Variants in SIN3A observed in about 807,000 individuals in gnomAD.
SIN3A encodes the protein SIN3 transcription regulator family member A, also known as paired amphipathic helix protein Sin3a.
SIN3A carries 14 observed loss-of-function variants against 146.1 expected under a neutral mutation model. That is an observed-to-expected ratio of 0.10 (90% CI 0.06 to 0.15). The LOEUF is 0.15. Among genes scored for constraint, SIN3A ranks in the 10% least tolerant of loss-of-function variants. The probability of loss-of-function intolerance (pLI) is 1.00; values close to 1 mark genes in which losing one functional copy is unlikely to be tolerated. For synonymous variants in SIN3A, 572 were observed against 572.0 expected (o/e 1.00, Z 0.00); for missense variants, 1,028 against 1,576.0 (o/e 0.65, Z 5.89).
At chr15:75,412,039 AG>A (rs1242893295) in intron 5 of SIN3A, among the ~76,000 whole-genome samples, 27 of 152,252 alleles carry the variant, frequency 1.8e-4, no homozygotes, top group African/African-American at 6.0e-4. Context: ...TAGCTCAACA[AG>A]TACACATAGA....
intron 1 of SIN3A, 25 bp from the exon 2 acceptor site, chr15:75,430,433 T>C (rs1006260222): frequency 4.6e-6 from 7 of 1,523,840 alleles, no homozygotes; most frequent in Non-Finnish European, 6.2e-6. Flanking sequence ...AGCAATAGCA[T>C]GCAAGTCAAT....
upstream of SIN3A, chr15:75,455,758 G>A (rs939537058): frequency 6.6e-6 from 1 of 152,196 alleles, no homozygotes; most frequent in Non-Finnish European, 1.5e-5. Flanking sequence ...AGATTGGGGG[G>A]ACCAAATTAA....
intron 12 of SIN3A, among the ~76,000 whole-genome samples, chr15:75,397,660 T>A (rs1372033771): frequency 6.6e-6 from 1 of 152,212 alleles, no homozygotes; most frequent in East Asian, 1.9e-4. Context: ...CTAACCTATC[T>A]TGATTGGTAA....
intron 3 of SIN3A, chr15:75,415,966 A>C: frequency 3.0e-6 from 1 of 334,062 alleles, no homozygotes; most frequent in Non-Finnish European, 5.8e-6. Context: ...CAGGAAATGG[A>C]GATGCCAAAA....
chr15:75,404,667 G>T (rs755628000), intron 9 of SIN3A, among the ~76,000 whole-genome samples: 1 of 151,962 alleles, frequency 6.6e-6, no homozygotes, highest in Admixed American at 6.6e-5. Context: ...GGCTGAGGCA[G>T]GAGGATTGCG....
At chr15:75,443,698 G>T (rs7163783) in intron 1 of SIN3A, 88,254 of 151,996 alleles carry the variant, frequency 0.58, 26,388 homozygotes, top group African/African-American at 0.73. Flanking sequence ...CTGGGTGACA[G>T]AGTGAGACCC....
intron 2 of SIN3A, 81 bp from the exon 3 acceptor site, chr15:75,422,904 G>T: frequency 7.1e-7 from 1 of 1,412,656 alleles, no homozygotes. Flanking sequence ...TAACACAAAT[G>T]CACAAAGATA....
At chr15:75,385,471 G>GTTTCCTA (rs2073060280) in intron 16 of SIN3A, among the ~76,000 whole-genome samples, 1 of 152,150 alleles carries the variant, frequency 6.6e-6, no homozygotes, top group Non-Finnish European at 1.5e-5. Context: ...ACAATCTTAG[G>GTTTCCTA]AAACTAATGA....
chr15:75,413,180 T>C (rs1322024327), intron 4 of SIN3A, 135 bp from the exon 5 acceptor site: 17 of 784,710 alleles, frequency 2.2e-5, no homozygotes, highest in Non-Finnish European at 2.8e-5. Flanking sequence ...TGGTGCAATC[T>C]TGGGGTCTTG....
chr15:75,404,529 G>C (rs1031095699), intron 9 of SIN3A, among the ~76,000 whole-genome samples: 1 of 152,140 alleles, frequency 6.6e-6, no homozygotes, highest in Non-Finnish European at 1.5e-5. Context: ...GGGAGGCCAA[G>C]GCAGGCGGAT....
intron 6 of SIN3A, among the ~76,000 whole-genome samples, chr15:75,411,130 C>T (rs2073630309): frequency 6.6e-6 from 1 of 152,168 alleles, no homozygotes. Flanking sequence ...AGTTCGAGAC[C>T]AGCCTAGCCA....
Position 75,375,656 on chromosome 15 carries a change from G to C in SIN3A, c.3591+9C>G. ...GATGTGTACAGAAATTTCAGTTACTGGTTCTCACCTGATGAGCCCGGAGCA... is the reference window on the plus strand; with the variant it reads ...GATGTGTACAGAAATTTCAGTTACTCGTTCTCACCTGATGAGCCCGGAGCA... On this transcript the variant is annotated intron_variant, in intron 20 of 20. Transcript: ENST00000394947. 6.2e-7 allele frequency: 1 copy of C among 1,611,718 alleles called. No individual in the cohort carries two copies. The highest frequency in any genetic ancestry group is 1.1e-5 in the South Asian group (1 of 91,024).
intron 2 of SIN3A, among the ~76,000 whole-genome samples, chr15:75,428,982 T>C (rs2073970132): frequency 6.6e-6 from 1 of 152,206 alleles, no homozygotes; most frequent in Non-Finnish European, 1.5e-5. Context: ...TTCCTTATGA[T>C]TTTCTTAGTA....
Position 75,430,301 on chromosome 15 carries a change from C to T in SIN3A, c.75G>A (p.Glu25=). The T allele has an allele frequency of 6.2e-7, 1 of 1,614,158 alleles. No homozygotes were observed. ...AQQRRIPGST[E]AFPHQHRVLA... is the part of the protein sequence containing the mutation. ...GCACCCGGTGCTGGTGAGGAAAAGC[C>T]TCTGTGCTGCCAGGGATCCGACGCT... The change falls in exon 2 of 21, where the codon GAG becomes GAA. Residue 25 remains glutamate (E), a synonymous_variant. Transcript: ENST00000394947.
intron 1 of SIN3A, among the ~76,000 whole-genome samples, chr15:75,444,660 G>C (rs1163520613): frequency 2.0e-5 from 3 of 152,056 alleles, no homozygotes; most frequent in African/African-American, 4.8e-5. Context: ...CTTGAGCCCA[G>C]GAGTTTGAGA....
intron 9 of SIN3A, among the ~76,000 whole-genome samples, chr15:75,403,545 CTTTTT>C (rs1187541579): frequency 1.4e-5 from 2 of 143,996 alleles, no homozygotes; most frequent in Non-Finnish European, 3.1e-5. Flanking sequence ...GCCTCTTTTT[CTTTTT>C]TTTTTTTGAG....
chr15:75,436,576 G>A (rs1412767414), intron 1 of SIN3A: 4 of 152,192 alleles, frequency 2.6e-5, no homozygotes, highest in Non-Finnish European at 5.9e-5. Context: ...ATTCATTGAT[G>A]GAGCGATGGA....
At chr15:75,401,997 A>G (rs766196059) in intron 9 of SIN3A, 27 bp from the exon 10 acceptor site, 11 of 1,469,872 alleles carry the variant, frequency 7.5e-6, no homozygotes, top group Non-Finnish European at 9.5e-6. Context: ...GAAGAAAAAC[A>G]GTTTTTGTTT....
chr15:75,437,463 A>C (rs181085464), intron 1 of SIN3A, among the ~76,000 whole-genome samples: 75 of 152,280 alleles, frequency 4.9e-4, no homozygotes, highest in African/African-American at 1.7e-3. Context: ...CACTGCGCCC[A>C]GCCAGACCCC....
Sources: gnomAD v4.1 joint callset for allele counts (sites outside exome capture counted in the v4.1 genomes callset) on GRCh38, gnomAD v4.1.1 for gene constraint, MANE v1.5 for transcripts, NCBI Gene and HGNC (gene_info 2026-07-23, HGNC 2026-07-21) for gene names.